The following LOC112694756 variants were observed in gnomAD, a reference collection of about 807,000 sequenced individuals.
the LOC112694756 span, among the ~76,000 whole-genome samples, chr16:30,053,987 C>T: frequency 6.6e-6 from 1 of 152,098 alleles, no homozygotes; most frequent in African/African-American, 2.4e-5. Context: ...ATGATCATGC[C>T]GCTGCACTCC....
At chr16:30,064,446 C>G in the LOC112694756 span, 1 of 398,742 alleles carries the variant, frequency 2.5e-6, no homozygotes, top group Non-Finnish European at 4.4e-6. Flanking sequence ...AGATTTATTT[C>G]TCTTGACAAC....
the LOC112694756 span, chr16:30,069,712 A>G: frequency 6.8e-6 from 11 of 1,612,520 alleles, no homozygotes; most frequent in Non-Finnish European, 9.3e-6. Flanking sequence ...TGCAGTAGAT[A>G]AGCTCCACCC....
chr16:30,069,464 A>T, the LOC112694756 span: 1 of 1,613,442 alleles, frequency 6.2e-7, no homozygotes, highest in Non-Finnish European at 8.5e-7. Context: ...CCTCTCCTCC[A>T]CCCCACTACC....
At chr16:30,068,122 G>A in the LOC112694756 span, 1 of 253,442 alleles carries the variant, frequency 3.9e-6, no homozygotes, top group Admixed American at 5.3e-5. Context: ...GAGTGCAGTG[G>A]TGCGATCTCT....
the LOC112694756 span, chr16:30,069,026 C>T: frequency 6.2e-7 from 1 of 1,613,004 alleles, no homozygotes; most frequent in Non-Finnish European, 8.5e-7. Context: ...CATTTGGTTC[C>T]AGTGTTGTTA....
the LOC112694756 span, chr16:30,068,785 CCA>C: frequency 6.2e-7 from 1 of 1,614,220 alleles, no homozygotes; most frequent in South Asian, 1.1e-5. Flanking sequence ...ATGCCCCTCC[CCA>C]CCGTGCTCTG....
the LOC112694756 span, chr16:30,065,808 C>T: frequency 3.3e-5 from 5 of 152,910 alleles, no homozygotes; most frequent in East Asian, 3.9e-4. Context: ...CTGCGTTCCT[C>T]TCGGAACGCG....
chr16:30,069,338 C>A, the LOC112694756 span: 1 of 1,614,196 alleles, frequency 6.2e-7, no homozygotes, highest in East Asian at 2.2e-5. Flanking sequence ...AGCCTGAGAT[C>A]CTCCCTGATG....
chr16:30,070,101 C>T, the LOC112694756 span: 276 of 1,613,750 alleles, frequency 1.7e-4, no homozygotes, highest in Non-Finnish European at 2.1e-4. Context: ...CTCACTCCAC[C>T]CCTCTCCCTG....
chr16:30,056,999 C>T, the LOC112694756 span, among the ~76,000 whole-genome samples: 1 of 151,426 alleles, frequency 6.6e-6, no homozygotes, highest in African/African-American at 2.4e-5. Flanking sequence ...CAATCTCTGC[C>T]TACTGGGTTC....
At chr16:30,067,304 C>T in the LOC112694756 span, 1 of 1,613,078 alleles carries the variant, frequency 6.2e-7, no homozygotes, top group South Asian at 1.1e-5. Context: ...AAGGAGCTGT[C>T]TGACATCGCT....
the LOC112694756 span, chr16:30,069,163 G>T: frequency 7.6e-7 from 1 of 1,321,460 alleles, no homozygotes; most frequent in Admixed American, 1.9e-5. Flanking sequence ...ATCTGAGGCG[G>T]CTCTTGTCTC....
the LOC112694756 span, chr16:30,054,671 C>T: frequency 2.5e-6 from 1 of 398,102 alleles, no homozygotes; most frequent in East Asian, 3.6e-5. Context: ...ACGCTCTCCC[C>T]ACCATCTGGT....
the LOC112694756 span, among the ~76,000 whole-genome samples, chr16:30,057,300 A>G: frequency 6.6e-6 from 1 of 152,064 alleles, no homozygotes; most frequent in Non-Finnish European, 1.5e-5. Flanking sequence ...CTCCTCCTGA[A>G]GTGGGGAGTA....
the LOC112694756 span, among the ~76,000 whole-genome samples, chr16:30,065,085 G>C: frequency 6.6e-6 from 1 of 152,222 alleles, no homozygotes; most frequent in East Asian, 1.9e-4. Context: ...CGGCCCGGCG[G>C]AGAGCGCGCA....
At chr16:30,068,978 G>A in the LOC112694756 span, 1 of 1,614,232 alleles carries the variant, frequency 6.2e-7, no homozygotes, top group South Asian at 1.1e-5. Context: ...TCTGCCAGCA[G>A]GTGGGCCTGC....
At chr16:30,066,892 G>A in the LOC112694756 span, 1 of 1,548,786 alleles carries the variant, frequency 6.5e-7, no homozygotes, top group Non-Finnish European at 8.7e-7. Flanking sequence ...CAGGCAAGGT[G>A]ACCCCATGGC....
At chr16:30,060,629 AC>A in the LOC112694756 span, among the ~76,000 whole-genome samples, 1 of 151,948 alleles carries the variant, frequency 6.6e-6, no homozygotes, top group Non-Finnish European at 1.5e-5. Context: ...TGCTTTTAAT[AC>A]CCTCTTTTCT....
the LOC112694756 span, among the ~76,000 whole-genome samples, chr16:30,056,598 C>T: frequency 2.6e-5 from 4 of 152,032 alleles, no homozygotes; most frequent in East Asian, 1.9e-4. Flanking sequence ...TGCTACTGTC[C>T]CCCTATCCCC....
Sources: gnomAD v4.1 joint callset for allele counts (sites outside exome capture counted in the v4.1 genomes callset) on GRCh38, gnomAD v4.1.1 for gene constraint, MANE v1.5 for transcripts.